GPR141: variants seen among roughly 807,000 people sequenced by gnomAD.
GPR141 encodes probable G protein-coupled receptor 141.
Under a neutral mutation model 6.8 loss-of-function variants are expected in GPR141, and 6 were observed. The observed-to-expected ratio is 0.88, with a 90% CI of 0.48 to 1.74. The LOEUF is 1.74. Ranked by LOEUF, GPR141 falls within the 40% of genes most tolerant of loss-of-function variation. GPR141 has a pLI of 0.01. For missense variants in GPR141, 372 were observed against 372.9 expected (o/e 1.00, Z 0.02); for synonymous variants, 140 against 142.3 (o/e 0.98, Z 0.11).
intron 2 of GPR141, among the ~76,000 whole-genome samples, chr7:37,730,966 A>G (rs1190331230): frequency 6.6e-6 from 1 of 152,252 alleles, no homozygotes. Context: ...CAACTCTAAC[A>G]GACACATAAA....
intron 2 of GPR141, among the ~76,000 whole-genome samples, chr7:37,693,781 G>A (rs1252599152): frequency 6.6e-6 from 1 of 152,156 alleles, no homozygotes; most frequent in East Asian, 1.9e-4. Flanking sequence ...CAACTCCAGG[G>A]AAGCAGAATA....
chr7:37,713,764 A>G (rs538354505), intron 2 of GPR141, among the ~76,000 whole-genome samples: 87 of 152,314 alleles, frequency 5.7e-4, no homozygotes, highest in African/African-American at 2.0e-3. Context: ...CGTGACTGAG[A>G]CGTTATTTCT....
intron 2 of GPR141, among the ~76,000 whole-genome samples, chr7:37,712,612 A>G (rs1030521111): frequency 6.6e-6 from 1 of 152,202 alleles, no homozygotes; most frequent in African/African-American, 2.4e-5. Context: ...CTGATACCTG[A>G]AAGATGAGAA....
chr7:37,707,794 T>C (rs1291294660), intron 2 of GPR141, among the ~76,000 whole-genome samples: 2 of 152,146 alleles, frequency 1.3e-5, no homozygotes, highest in Non-Finnish European at 2.9e-5. Flanking sequence ...CAGAGGAAGA[T>C]GGAGGTTGGG....
intron 2 of GPR141, among the ~76,000 whole-genome samples, chr7:37,691,791 A>G (rs1296641208): frequency 6.6e-6 from 1 of 152,144 alleles, no homozygotes; most frequent in African/African-American, 2.4e-5. Context: ...TTCTGGGTGT[A>G]GTCTTGAGTG....
At chr7:37,734,013 A>T (rs1812115761) in intron 2 of GPR141, among the ~76,000 whole-genome samples, 1 of 152,046 alleles carries the variant, frequency 6.6e-6, no homozygotes, top group African/African-American at 2.4e-5. Flanking sequence ...CTCCACAAAA[A>T]ATACAAAAGT....
intron 2 of GPR141, among the ~76,000 whole-genome samples, chr7:37,712,663 G>C (rs974179794): frequency 3.9e-5 from 6 of 152,068 alleles, no homozygotes; most frequent in Non-Finnish European, 8.8e-5. Context: ...GAGCAGATGG[G>C]GACAATAATT....
intron 2 of GPR141, among the ~76,000 whole-genome samples, chr7:37,733,748 C>T (rs1812101195): frequency 6.6e-6 from 1 of 151,748 alleles, no homozygotes; most frequent in Admixed American, 6.6e-5. Context: ...GTTACCATTC[C>T]AGTTATTGCC....
chr7:37,728,853 A>G (rs1811766968), intron 2 of GPR141, among the ~76,000 whole-genome samples: 1 of 152,208 alleles, frequency 6.6e-6, no homozygotes, highest in African/African-American at 2.4e-5. Flanking sequence ...AATACCAGCA[A>G]GGCCTGGCCT....
intron 2 of GPR141, among the ~76,000 whole-genome samples, chr7:37,733,379 A>G (rs1347891493): frequency 6.6e-6 from 1 of 152,190 alleles, no homozygotes; most frequent in Non-Finnish European, 1.5e-5. Context: ...AAAACCACAG[A>G]TAAGTATTAC....
At chr7:37,722,927 C>T (rs866280214) in intron 2 of GPR141, among the ~76,000 whole-genome samples, 2 of 41,068 alleles carry the variant, frequency 4.9e-5, no homozygotes, top group South Asian at 7.9e-4. Flanking sequence ...TTTTCCTTTC[C>T]TTCCTTCCTT....
At chr7:37,704,718 G>C (rs1810444589) in intron 2 of GPR141, among the ~76,000 whole-genome samples, 1 of 151,984 alleles carries the variant, frequency 6.6e-6, no homozygotes, top group South Asian at 2.1e-4. Context: ...TGTGTATATG[G>C]GTCTGTTAAC....
At chr7:37,690,693 C>T (rs1056195051) in intron 2 of GPR141, among the ~76,000 whole-genome samples, 3 of 151,370 alleles carry the variant, frequency 2.0e-5, no homozygotes, top group Non-Finnish European at 4.4e-5. Flanking sequence ...TATTTCAATT[C>T]TTTTAAATGT....
chr7:37,697,104 GA>G (rs1457217846), intron 2 of GPR141, among the ~76,000 whole-genome samples: 1 of 152,106 alleles, frequency 6.6e-6, no homozygotes, highest in Non-Finnish European at 1.5e-5. Context: ...AAGATCAGAA[GA>G]CTTTCTGAAA....
At position 37,707,872 on chromosome 7, in the gene GPR141, A is replaced by G. The variant is rs546496211; in HGVS notation, c.-15+22289A>G. On this transcript the variant is annotated intron_variant, in intron 2 of 2. Coordinates refer to ENST00000334425, the MANE Select transcript of GPR141 (RefSeq NM_001381946.1). ...CCAGCTAGAGAGGAAAAACAATTACATTGCAATGCTACGACAGGGTTTTTC... is the reference window on the plus strand; with the variant it reads ...CCAGCTAGAGAGGAAAAACAATTACGTTGCAATGCTACGACAGGGTTTTTC... Among the ~76,000 whole-genome samples, 39 of 152,270 alleles carry G rather than the reference A, an allele frequency of 2.6e-4. 1 individual carries two copies. The South Asian group carries it at 7.9e-3, about 31-fold the overall frequency.
At chr7:37,716,558 C>A (rs868386902) in intron 2 of GPR141, among the ~76,000 whole-genome samples, 2 of 152,008 alleles carry the variant, frequency 1.3e-5, no homozygotes, top group Admixed American at 1.3e-4. Context: ...AAATATAGGG[C>A]TCCAAAGAAC....
chr7:37,686,363 C>G (rs954421308), intron 2 of GPR141, among the ~76,000 whole-genome samples: 1 of 152,166 alleles, frequency 6.6e-6, no homozygotes, highest in East Asian at 1.9e-4. Context: ...ATTTCTGAGA[C>G]ATTGCTTTGC....
At chr7:37,711,891 A>G (rs1163351813) in intron 2 of GPR141, among the ~76,000 whole-genome samples, 3 of 152,184 alleles carry the variant, frequency 2.0e-5, no homozygotes, top group Non-Finnish European at 4.4e-5. Flanking sequence ...TCCAGGTTTA[A>G]TTTGTTGCAG....
At chr7:37,722,954 C>G (rs1430654070) in intron 2 of GPR141, among the ~76,000 whole-genome samples, 1 of 144,710 alleles carries the variant, frequency 6.9e-6, no homozygotes, top group Non-Finnish European at 1.5e-5. Flanking sequence ...TTCCTTCCTT[C>G]CTTCCTTCCT....
Sources: allele counts gnomAD v4.1 joint callset (sites outside exome capture counted in the v4.1 genomes callset), GRCh38; gene constraint gnomAD v4.1.1; transcripts MANE v1.5; gene names NCBI Gene and HGNC (gene_info 2026-07-23, HGNC 2026-07-21).